The following SYNE2 variants were observed in gnomAD, a reference collection of about 807,000 sequenced individuals.
The protein encoded by SYNE2 is nesprin-2.
In SYNE2, 431 loss-of-function variants were observed where a neutral mutation model predicts 856.3. That is an observed-to-expected ratio of 0.50 (90% CI 0.47 to 0.55). SYNE2 has a LOEUF of 0.55. Among genes scored for constraint, SYNE2 ranks in the 20% least tolerant of loss-of-function variants. The pLI is 0.00. For synonymous variants in SYNE2, 2,923 were observed against 2,872.3 expected (o/e 1.02, Z -0.56); for missense variants, 8,129 against 8,023.2 (o/e 1.01, Z -0.50).
intron 1 of SYNE2, among the ~76,000 whole-genome samples, chr14:63,794,197 T>C: frequency 6.6e-6 from 1 of 152,332 alleles, no homozygotes; most frequent in Non-Finnish European, 1.5e-5. Context: ...TTTGTTGTTG[T>C]TACAGAAACT....
At position 64,101,918 on chromosome 14, in the gene SYNE2, G is replaced by A. The variant is rs77622144; in HGVS notation, c.12382-14G>A. ...AAGCTCTTCCCTTTGCTAACCAATC[G>A]TTTACTGTGATAGAATGGAGATGAG... On this transcript the variant is annotated splice_polypyrimidine_tract_variant and intron_variant, in intron 63 of 115. Transcript: ENST00000555002. 5.8e-5 allele frequency: 93 copies of A among 1,600,032 alleles called. 1 individual carries two copies. In the East Asian group the frequency reaches 1.7e-3, roughly 28 times the overall value.
intron 99 of SYNE2, among the ~76,000 whole-genome samples, chr14:64,194,072 A>G (rs2098529909): frequency 6.6e-6 from 1 of 150,734 alleles, no homozygotes. Flanking sequence ...GCCCTCAGGC[A>G]GCTTCTTACA....
chr14:63,799,102 A>G (rs1269894937), intron 1 of SYNE2, among the ~76,000 whole-genome samples: 2 of 152,222 alleles, frequency 1.3e-5, no homozygotes, highest in Non-Finnish European at 2.9e-5. Flanking sequence ...TTTATGAGAC[A>G]GACTTTCGCT....
chr14:63,902,637 T>A (rs535333678), intron 1 of SYNE2, among the ~76,000 whole-genome samples: 1 of 152,002 alleles, frequency 6.6e-6, no homozygotes, highest in East Asian at 1.9e-4. Flanking sequence ...GGAGACTCAA[T>A]CTAGCCCTTA....
Position 64,074,090 on chromosome 14 carries a change from A to G in SYNE2, c.10820A>G (p.Gln3607Arg), listed in dbSNP as rs752724990. 7 of 1,614,110 alleles carry G rather than the reference A, an allele frequency of 4.3e-6. No homozygotes were observed. The change falls in exon 53 of 116, where the codon CAA becomes CGA. Residue 3607 changes from glutamine (Q) to arginine (R), a missense_variant. Gln to Arg is a conservative substitution (Grantham distance 43). Transcript: ENST00000555002. ...TTTCAACAGACCACAACTTCATTCC[A>G]AAATATGGCATTCCAGGATCACCCA... Reference protein sequence around the residue: ...NFFQQTTTSFQNMAFQDHPEK... With the variant: ...NFFQQTTTSFRNMAFQDHPEK...
intron 11 of SYNE2, among the ~76,000 whole-genome samples, chr14:63,972,382 A>C (rs2096486438): frequency 6.6e-6 from 1 of 152,214 alleles, no homozygotes; most frequent in Non-Finnish European, 1.5e-5. Flanking sequence ...AGTACTGTAA[A>C]TTTGGTAATA....
Position 64,167,536 on chromosome 14 carries a change from G to T in SYNE2, c.16802G>T (p.Cys5601Phe), listed in dbSNP as rs1395110411. Residue 5601 changes from cysteine to phenylalanine, a missense_variant, in exon 92 of 116, where the codon TGC (cysteine) becomes TTC (phenylalanine). Physicochemically the swap from Cys to Phe is radical, Grantham distance 205. Around this residue, in one of 3 missense-constraint regions of SYNE2, gnomAD observed 5,410 missense variants for 5,284.8 expected, o/e 1.02. Transcript: ENST00000555002. The stretch of plus-strand genomic sequence containing the variant: ...GGATTGAATGAAAAGTTTCTTTATT[G>T]CTGTGAAAAGTGGATCCAACTTTTG... ...GIGLNEKFLYCCEKWIQLLEK... is the reference protein window; with the variant it reads ...GIGLNEKFLYFCEKWIQLLEK... 1.2e-6 allele frequency: 2 copies of T among 1,614,196 alleles called. No individual in the cohort carries two copies. Among genetic ancestry groups the T allele is most frequent in the Middle Eastern group, 3.3e-4 (2 of 6,062 alleles).
chr14:63,956,831 G>A lies in SYNE2; in HGVS notation c.787+1916G>A, dbSNP rs576035441. ...TGGATATTAAAAGCAATCTAGAGAT[G>A]AGTCCTGGAACCAATTCCCGTGTAT... On this transcript the variant is annotated intron_variant, in intron 8 of 115. Transcript: ENST00000555002. 1.0e-3 allele frequency among the ~76,000 whole-genome samples: 159 copies of A among 152,198 alleles called. 1 individual carries two copies. The highest frequency in any genetic ancestry group is 3.6e-3 in the African/African-American group (150 of 41,508).
chr14:64,225,141 TCTGGTTTTCTTTTGTCTGGAAAGGG>T, intron 115 of SYNE2, 96 bp downstream of exon 115: 2 of 1,562,642 alleles, frequency 1.3e-6, no homozygotes, highest in Non-Finnish European at 1.8e-6. Flanking sequence ...CTTGCAAAAA[TCTGGTTTTCTTTTGTCTGGAAAGGG>T]CTGGTTTTCT....
At chr14:63,807,946 C>A (rs937701831) in intron 1 of SYNE2, among the ~76,000 whole-genome samples, 25 of 144,058 alleles carry the variant, frequency 1.7e-4, no homozygotes, top group Admixed American at 1.6e-3. Context: ...TTTTGGTGCA[C>A]CCATTACCTG....
intron 50 of SYNE2, among the ~76,000 whole-genome samples, chr14:64,063,818 G>A (rs910496789): frequency 2.0e-5 from 3 of 152,154 alleles, no homozygotes; most frequent in African/African-American, 7.2e-5. Context: ...ATAACAAAAT[G>A]TACAGTAGTC....
At chr14:63,978,094 A>T (rs2096558243) in intron 13 of SYNE2, 77 bp downstream of exon 13, 3 of 954,110 alleles carry the variant, frequency 3.1e-6, no homozygotes, top group Non-Finnish European at 5.1e-6. Context: ...GGACCACAAA[A>T]TACAGATTTT....
At chr14:64,181,232 A>C (rs562468116) in intron 96 of SYNE2, among the ~76,000 whole-genome samples, 1 of 152,272 alleles carries the variant, frequency 6.6e-6, no homozygotes, top group African/African-American at 2.4e-5. Flanking sequence ...TAAATGTGAT[A>C]TTTGGTGGTG....
intron 1 of SYNE2, among the ~76,000 whole-genome samples, chr14:63,806,823 T>TA (rs33997445): frequency 0.41 from 62,802 of 151,482 alleles, 14,679 homozygotes; most frequent in South Asian, 0.55. Context: ...TCTCTTTTTT[T>TA]ATTAGTCTAA....
chr14:63,996,827 G>A lies in SYNE2; in HGVS notation c.2941-120G>A, dbSNP rs2096717597. 11 of 921,304 alleles carry A rather than the reference G, an allele frequency of 1.2e-5. No individual in the cohort carries two copies. In the Admixed American group the frequency reaches 1.4e-4, roughly 12 times the overall value. The allele number at this position is 921,304 out of a possible 1,614,324, so 57.1% of individuals were successfully genotyped here. A position where few individuals can be genotyped will look rare whatever the true frequency, so the allele number is the denominator to read the frequency against. ...TCTCTAGCGCCTATTGTCATAGCAT[G>A]TAGATGGCCTATACAAGAACACATT... is the stretch of plus-strand genomic sequence containing the variant. On this transcript the variant is annotated intron_variant, in intron 23 of 115. Coordinates refer to ENST00000555002, the MANE Select transcript of SYNE2 (RefSeq NM_182914.3).
chr14:63,858,617 T>C (rs1014392331), intron 1 of SYNE2, among the ~76,000 whole-genome samples: 6 of 152,100 alleles, frequency 3.9e-5, no homozygotes, highest in Non-Finnish European at 8.8e-5. Flanking sequence ...ACTCCTGCGA[T>C]GATGGCATTA....
chr14:64,124,218 G>A (rs181890276), intron 70 of SYNE2, among the ~76,000 whole-genome samples: 2 of 151,826 alleles, frequency 1.3e-5, no homozygotes, highest in African/African-American at 4.8e-5. Flanking sequence ...AAAAAGAGAC[G>A]GGTTCTCGCT....
intron 6 of SYNE2, among the ~76,000 whole-genome samples, chr14:63,948,782 G>GTATATATATATA (rs3062027): frequency 5.0e-4 from 22 of 43,886 alleles, no homozygotes; most frequent in Non-Finnish European, 7.1e-4. Flanking sequence ...ATGTGTGTGT[G>GTATATATATATA]TATATATATA....
intron 1 of SYNE2, among the ~76,000 whole-genome samples, chr14:63,766,955 A>G (rs575186556): frequency 1.3e-5 from 2 of 152,320 alleles, no homozygotes; most frequent in East Asian, 1.9e-4. Context: ...TGGTGAGTCC[A>G]TGATTAGAAA....
Sources: gnomAD v4.1 joint callset for allele counts (sites outside exome capture counted in the v4.1 genomes callset) on GRCh38, gnomAD v4.1.1 for gene constraint, gnomAD v4.1.1 regional missense constraint, MANE v1.5 for transcripts, NCBI Gene and HGNC (gene_info 2026-07-23, HGNC 2026-07-21) for gene names.